The following DOK2 variants were observed in gnomAD, a reference collection of about 807,000 sequenced individuals.
The protein encoded by DOK2 is docking protein 2, 56kD.
In DOK2, 28 loss-of-function variants were observed where a neutral mutation model predicts 26.0. The ratio of observed to expected loss-of-function variants is 1.08; its 90% CI spans 0.80 to 1.48. The LOEUF (loss-of-function observed/expected upper bound fraction) is 1.48. DOK2 is among the 40% of genes most tolerant of loss of function. DOK2 has a pLI of 0.00. For synonymous variants in DOK2, 282 were observed against 236.9 expected (o/e 1.19, Z -1.75); for missense variants, 682 against 558.2 (o/e 1.22, Z -2.23).
At chr8:21,912,080 C>T in intron 2 of DOK2, 92 bp from the exon 3 acceptor site, 2 of 1,488,856 alleles carry the variant, frequency 1.3e-6, no homozygotes, top group South Asian at 2.6e-5. Context: ...AACCTGCTGG[C>T]TCTGTCTGCA....
Position 21,909,770 on chromosome 8 carries a change from G to A in DOK2, c.780C>T (p.Ile260=), listed in dbSNP as rs759952441. ...TATCAGGCCGGGGCAGCGACGCGGG[G>A]ATTGTGGCTGGCTGCGGTTGGGGTG... ...PATPQPQPAT[I]PASLPRPDSP... is the part of the protein sequence containing the mutation. Residue 260 remains isoleucine, a synonymous_variant, in exon 5 of 5, where the codon ATC becomes ATT. Transcript: ENST00000276420. 12 of 1,613,854 alleles carry A rather than the reference G, an allele frequency of 7.4e-6. No homozygotes were observed. Among genetic ancestry groups the A allele is most frequent in the Admixed American group, 1.7e-5 (1 of 59,998 alleles).
rs972673135 is a variant in DOK2 at position 21,912,357 on chromosome 8, C to T, written c.217G>A (p.Gly73Arg). 6.2e-6 allele frequency: 10 copies of T among 1,606,612 alleles called. No homozygotes were observed. The highest frequency in any genetic ancestry group is 7.6e-6 in the Non-Finnish European group (9 of 1,178,214). Residue 73 changes from glycine to arginine, a missense_variant, in exon 2 of 5, where the codon GGA becomes AGA. Transcript: ENST00000276420. ...GTGTCCCGGGGGCTGCTGGCCTCTCCGCCGGCCTCGGCCACCCGCAGGCAG... is the reference window on the plus strand; with the variant it reads ...GTGTCCCGGGGGCTGCTGGCCTCTCTGCCGGCCTCGGCCACCCGCAGGCAG... ...SDCLRVAEAG[G>R]EASSPRDTSA...
rs779549207 is a variant in DOK2, at chr8:21,909,761, C to T, written c.789G>A (p.Ser263=). ...AGTAGGGGCTATCAGGCCGGGGCAG[C>T]GACGCGGGGATTGTGGCTGGCTGCG... ...PQPQPATIPA[S]LPRPDSPYSR... is the part of the protein sequence containing the mutation. The change falls in exon 5 of 5, where the codon TCG becomes TCA. Residue 263 remains serine, a synonymous_variant. Transcript: ENST00000276420. The T allele has an allele frequency of 4.3e-6, 7 of 1,613,708 alleles. No homozygotes were observed. Among genetic ancestry groups the T allele is most frequent in the South Asian group, 3.3e-5 (3 of 91,086 alleles).
Position 21,909,806 on chromosome 8 carries a change from A to G in DOK2, c.744T>C (p.Ala248=), listed in dbSNP as rs1236074163. The G allele has an allele frequency of 1.2e-6, 2 of 1,613,894 alleles. No homozygotes were observed. The highest frequency in any genetic ancestry group is 2.7e-5 in the African/African-American group (2 of 74,934). ...GCTGCGGTTGGGGTGTAGCGGGTGCAGCATTCTTCTGGGCAGAGATGGCCT... is the reference window on the plus strand; with the variant it reads ...GCTGCGGTTGGGGTGTAGCGGGTGCGGCATTCTTCTGGGCAGAGATGGCCT... ...LEEAISAQKN[A]APATPQPQPA... The change falls in exon 5 of 5, where the codon GCT becomes GCC. Residue 248 remains alanine, a synonymous_variant. Transcript: ENST00000276420.
rs140097138 is a variant in DOK2, at chr8:21,909,470, C to A, written c.1080G>T (p.Pro360=). ...GVAALSLYDS[P]QEPRGEAWRR... is the part of the protein sequence containing the mutation. ...TCCATGCCTCACCCCGGGGCTCCTG[C>A]GGGCTGTCATAGAGGGACAGGGCAG... The change falls in exon 5 of 5, where the codon CCG becomes CCT. Residue 360 remains proline (P), a synonymous_variant. Transcript: ENST00000276420. 2.7e-5 allele frequency: 43 copies of A among 1,613,424 alleles called. No homozygotes were observed. The African/African-American group carries it at 5.3e-4, about 20-fold the overall frequency.
chr8:21,909,856 T>A lies in DOK2; in HGVS notation c.694A>T (p.Asn232Tyr). ...GNFEFETRQG[N>Y]EIFLALEEAI... is the part of the protein sequence containing the mutation. ...TCTTCCAGGGCCAAGAAGATCTCAT[T>A]GCCTTGCCGGGTTTCGAACTCAAAG... Residue 232 changes from asparagine to tyrosine, a missense_variant, in exon 5 of 5, where the codon AAT becomes TAT. Transcript: ENST00000276420. The A allele has an allele frequency of 6.2e-7, 1 of 1,613,964 alleles. No homozygotes were observed.
Position 21,912,358 on chromosome 8 carries a change from G to A in DOK2, c.216C>T (p.Gly72=), listed in dbSNP as rs752585347. The change falls in exon 2 of 5, where the codon GGC becomes GGT. Residue 72 remains glycine (G), a synonymous_variant. Transcript: ENST00000276420. ...LSDCLRVAEA[G]GEASSPRDTS... is the part of the protein sequence containing the mutation. ...TGTCCCGGGGGCTGCTGGCCTCTCC[G>A]CCGGCCTCGGCCACCCGCAGGCAGT... The A allele has an allele frequency of 2.5e-6, 4 of 1,606,374 alleles. No individual in the cohort carries two copies. Among genetic ancestry groups the A allele is most frequent in the Admixed American group, 1.7e-5 (1 of 59,690 alleles).
At chr8:21,913,424 G>A in intron 1 of DOK2, 115 bp downstream of exon 1, 1 of 1,251,028 alleles carries the variant, frequency 8.0e-7, no homozygotes, top group Non-Finnish European at 1.1e-6. Flanking sequence ...GGTCTAACTT[G>A]GTGGGTGCAC....
chr8:21,913,095 G>A (rs751045332), intron 1 of DOK2, among the ~76,000 whole-genome samples: 1 of 152,120 alleles, frequency 6.6e-6, no homozygotes, highest in Non-Finnish European at 1.5e-5. Flanking sequence ...ATGGACAGCC[G>A]GCTGGGGTCC....
chr8:21,913,323 C>G (rs535707419), intron 1 of DOK2, among the ~76,000 whole-genome samples: 1 of 152,212 alleles, frequency 6.6e-6, no homozygotes, highest in East Asian at 1.9e-4. Flanking sequence ...GCAAACAGCC[C>G]TCAGTAAGGA....
Position 21,910,674 on chromosome 8 carries a change from T to G in DOK2, c.617A>C (p.Lys206Thr), listed in dbSNP as rs1809804007. ...YRFLRRFGRD[K>T]VTFSFEAGRR... ...GCCCTGATGCAGCTTCCCACTCACC[T>G]TGTCCCGCCCAAAGCGCCGCAGAAA... The change falls in exon 4 of 5, where the codon AAG (lysine) becomes ACG (threonine). Residue 206 changes from lysine (K) to threonine (T), a missense_variant and splice_region_variant. Lys to Thr is a moderately conservative substitution (Grantham distance 78). Transcript: ENST00000276420. 1 of 1,613,908 alleles carries G rather than the reference T, an allele frequency of 6.2e-7. No individual in the cohort carries two copies. The highest frequency in any genetic ancestry group is 1.3e-5 in the African/African-American group (1 of 75,056).
intron 2 of DOK2, 34 bp from the exon 3 acceptor site, chr8:21,912,022 C>T (rs1475964091): frequency 2.6e-6 from 4 of 1,538,148 alleles, no homozygotes; most frequent in Non-Finnish European, 3.5e-6. Context: ...ATCACCTTCC[C>T]CGATCCCCAG....
In DOK2 at chr8:21,909,153, C is replaced by T. The variant is rs1441194709; in HGVS notation, c.*158G>A. 7 of 838,446 alleles carry T rather than the reference C, an allele frequency of 8.3e-6. No homozygotes were observed. In the Admixed American group the frequency reaches 1.8e-4, roughly 22 times the overall value. 51.9% of individuals were successfully genotyped at this position (838,446 alleles called of 1,614,324 possible). On this transcript the variant is annotated 3_prime_UTR_variant, in exon 5 of 5. Coordinates refer to ENST00000276420, the MANE Select transcript of DOK2 (RefSeq NM_003974.4). ...CCCTTCCTGCTTTGGGATGGTGACT[C>T]ACCCAGCAGGCCCTGGGAGAGGCAA...
At chr8:21,911,095 C>T (rs1809827016) in intron 3 of DOK2, 1 of 539,336 alleles carries the variant, frequency 1.9e-6, no homozygotes, top group Non-Finnish European at 3.3e-6. Flanking sequence ...CCCACATCCA[C>T]CCCAACCTCG....
intron 1 of DOK2, among the ~76,000 whole-genome samples, 196 bp downstream of exon 1, chr8:21,913,343 G>A (rs1425581666): frequency 6.6e-6 from 1 of 152,206 alleles, no homozygotes; most frequent in African/African-American, 2.4e-5. Flanking sequence ...AGCACAGTTT[G>A]GGACCTGGTT....
rs1419749430 is a variant in DOK2 at position 21,909,506 on chromosome 8, G to A, written c.1044C>T (p.Pro348=). The A allele has an allele frequency of 1.2e-5, 19 of 1,614,000 alleles. No individual in the cohort carries two copies. The highest frequency in any genetic ancestry group is 4.5e-5 in the East Asian group (2 of 44,880). Residue 348 remains proline (P), a synonymous_variant, in exon 5 of 5, where the codon CCC becomes CCT. Transcript: ENST00000276420. ...PPRPDHIYDE[P]EGVAALSLYD... is the part of the protein sequence containing the mutation. The stretch of plus-strand genomic sequence containing the variant: ...AGAGGGACAGGGCAGCCACTCCCTC[G>A]GGCTCATCGTATATGTGGTCAGGTC...
intron 4 of DOK2, 126 bp downstream of exon 4, chr8:21,910,547 C>T: frequency 8.1e-7 from 1 of 1,231,314 alleles, no homozygotes; most frequent in South Asian, 1.4e-5. Context: ...GCCATCTTGT[C>T]ACTCTATTCT....
In DOK2 at chr8:21,913,673, C is replaced by G; in HGVS notation, c.-72G>C. ...CTGCCCTTGCCTCTCTCTTCTTAGC[C>G]GTGTGTTTCCCTTCTCTGAAGTTCA... On this transcript the variant is annotated 5_prime_UTR_variant, in exon 1 of 5. Transcript: ENST00000276420. 6.4e-7 allele frequency: 1 copy of G among 1,561,128 alleles called. No homozygotes were observed. Among genetic ancestry groups the G allele is most frequent in the South Asian group, 1.1e-5 (1 of 89,804 alleles).
chr8:21,913,501 A>G lies in DOK2; in HGVS notation c.63+38T>C, dbSNP rs371291766. ...AACCCAGGAATTCTAGCAGCCTCCCAGGCCCCCTGCCCAACCCCAGCCCAG... is the reference window on the plus strand; with the variant it reads ...AACCCAGGAATTCTAGCAGCCTCCCGGGCCCCCTGCCCAACCCCAGCCCAG... On this transcript the variant is annotated intron_variant, in intron 1 of 4. Coordinates refer to ENST00000276420, the MANE Select transcript of DOK2 (RefSeq NM_003974.4). 834 of 1,612,336 alleles carry G rather than the reference A, an allele frequency of 5.2e-4. 2 individuals carry two copies. The highest frequency in any genetic ancestry group is 1.7e-3 in the South Asian group (153 of 91,020).
Sources: gnomAD v4.1 joint callset for allele counts (sites outside exome capture counted in the v4.1 genomes callset) on GRCh38, gnomAD v4.1.1 for gene constraint, MANE v1.5 for transcripts, NCBI Gene and HGNC (gene_info 2026-07-23, HGNC 2026-07-21) for gene names.